Variants in GALK2 observed in about 807,000 individuals in gnomAD.
The protein encoded by GALK2 is N-acetylgalactosamine kinase.
In GALK2, 36 loss-of-function variants were observed where a neutral mutation model predicts 52.4. That is an observed-to-expected ratio of 0.69 (90% CI 0.53 to 0.91). GALK2 has a LOEUF of 0.91. Among genes scored for constraint, GALK2 ranks in the 40% least tolerant of loss-of-function variants. The pLI, the probability that GALK2 is intolerant of heterozygous loss-of-function variation, is 0.00. For synonymous variants in GALK2, 176 were observed against 199.1 expected (o/e 0.88, Z 0.98); for missense variants, 579 against 559.1 (o/e 1.04, Z -0.36).
chr15:49,364,678 C>A (rs570093849), intron 3 of GALK2, among the ~76,000 whole-genome samples: 1 of 152,012 alleles, frequency 6.6e-6, no homozygotes, highest in Non-Finnish European at 1.5e-5. Flanking sequence ...AAATTTTCAC[C>A]GTTGAACTGC....
chr15:49,321,255 G>A (rs1331260085), intron 9 of GALK2, among the ~76,000 whole-genome samples: 1 of 152,130 alleles, frequency 6.6e-6, no homozygotes, highest in East Asian at 1.9e-4. Flanking sequence ...TAGGCCCTGA[G>A]GTGGATACTT....
At chr15:49,274,720 A>G (rs997711942) in intron 5 of GALK2, among the ~76,000 whole-genome samples, 9 of 152,190 alleles carry the variant, frequency 5.9e-5, no homozygotes, top group Non-Finnish European at 1.2e-4. Flanking sequence ...GTTTCTTTAT[A>G]TCCTTATTCT....
At chr15:49,315,250 C>G (rs371948471) in intron 8 of GALK2, among the ~76,000 whole-genome samples, 2 of 152,278 alleles carry the variant, frequency 1.3e-5, no homozygotes. Context: ...AAAATATCAT[C>G]TAGTGTTATA....
chr15:49,357,037 G>A (rs1275262893), intron 3 of GALK2, among the ~76,000 whole-genome samples: 3 of 151,228 alleles, frequency 2.0e-5, no homozygotes, highest in African/African-American at 7.3e-5. Context: ...TGAAACCAAC[G>A]AGAACAAAGA....
chr15:49,224,423 T>A (rs1655707185), intron 3 of GALK2, among the ~76,000 whole-genome samples: 1 of 152,154 alleles, frequency 6.6e-6, no homozygotes, highest in South Asian at 2.1e-4. Flanking sequence ...ATTCTAAGCA[T>A]TTCCTAGGTT....
At chr15:49,226,873 T>C (rs559907780) in intron 3 of GALK2, among the ~76,000 whole-genome samples, 1 of 152,370 alleles carries the variant, frequency 6.6e-6, no homozygotes, top group South Asian at 2.1e-4. Flanking sequence ...TAAATTTCCT[T>C]GTATTTATAC....
chr15:49,179,217 T>A (rs546178828), intron 1 of GALK2, among the ~76,000 whole-genome samples: 2 of 152,212 alleles, frequency 1.3e-5, no homozygotes, highest in African/African-American at 4.8e-5. Context: ...ATAATAGTAA[T>A]AACTAATAAT....
Position 49,365,773 on chromosome 15 carries a change from G to A in GALK2, c.427-1718G>A, listed in dbSNP as rs1006598371. The stretch of plus-strand genomic sequence containing the variant: ...CCACCTGTCTTCATTTTGAAACACA[G>A]CCCAAACAATAGCTATTGCTATGCA... On this transcript the variant is annotated intron_variant, in intron 3 of 3. Coordinates refer to the GALK2 transcript ENST00000558399. 7.8e-5 allele frequency: 67 copies of A among 855,404 alleles called. 2 individuals are homozygous for A. The highest frequency in any genetic ancestry group is 1.2e-4 in the Non-Finnish European group (59 of 491,520). The allele number at this position is 855,404 out of a possible 1,614,324, so 53.0% of individuals were successfully genotyped here.
At chr15:49,245,723 G>A (rs1011977756) in intron 5 of GALK2, among the ~76,000 whole-genome samples, 4 of 152,108 alleles carry the variant, frequency 2.6e-5, no homozygotes, top group Admixed American at 6.6e-5. Context: ...ATTATTCAGC[G>A]AGGGCCTATT....
In GALK2 at chr15:49,286,572, T is replaced by C. The variant is rs575626003; in HGVS notation, c.756+2854T>C. Reference sequence around the variant, plus strand: ...TGGGGGGCATACATTTTTTGAAAAATTATGATTTAAATGTTTTGAATTTTT... The same window carrying C: ...TGGGGGGCATACATTTTTTGAAAAACTATGATTTAAATGTTTTGAATTTTT... On this transcript the variant is annotated intron_variant, in intron 7 of 9. Coordinates refer to ENST00000560031, the MANE Select transcript of GALK2 (RefSeq NM_002044.4). Among the ~76,000 whole-genome samples, 21 of 152,258 alleles carry C rather than the reference T, an allele frequency of 1.4e-4. No homozygotes were observed. In the South Asian group the frequency reaches 3.9e-3, roughly 29 times the overall value.
intron 3 of GALK2, chr15:49,366,501 TG>T: frequency 7.9e-7 from 1 of 1,269,240 alleles, no homozygotes; most frequent in Admixed American, 1.7e-5. Context: ...ATCAAACTAA[TG>T]GAAGTTGCAT....
At chr15:49,295,329 C>CTATA (rs778452362) in intron 8 of GALK2, among the ~76,000 whole-genome samples, 10 of 141,106 alleles carry the variant, frequency 7.1e-5, no homozygotes, top group African/African-American at 2.7e-4. Flanking sequence ...CTCTCTCTCT[C>CTATA]TATCTATATA....
In GALK2 at chr15:49,240,878, T is replaced by A. The variant is rs939355415; in HGVS notation, c.504+1511T>A. On this transcript the variant is annotated intron_variant, in intron 5 of 9. Coordinates refer to ENST00000560031, the MANE Select transcript of GALK2 (RefSeq NM_002044.4). ...AGAGGTAAGGTGATCATATCTGTATTTTAGAAAGATCTCCCTGGCTATATT... is the reference window on the plus strand; with the variant it reads ...AGAGGTAAGGTGATCATATCTGTATATTAGAAAGATCTCCCTGGCTATATT... Among the ~76,000 whole-genome samples the A allele has an allele frequency of 2.6e-5, 4 of 152,246 alleles. No homozygotes were observed. The East Asian group carries it at 7.7e-4, about 29-fold the overall frequency.
chr15:49,201,754 A>G (rs1449566342), intron 2 of GALK2, among the ~76,000 whole-genome samples: 2 of 152,208 alleles, frequency 1.3e-5, no homozygotes, highest in Non-Finnish European at 2.9e-5. Flanking sequence ...TTTGTTTACT[A>G]TCATTTTATC....
downstream of GALK2, among the ~76,000 whole-genome samples, chr15:49,332,198 T>A (rs560503782): frequency 1.3e-5 from 2 of 152,104 alleles, 1 homozygote; most frequent in South Asian, 4.1e-4. Context: ...CCACCCACTG[T>A]GTGGTTCTCA....
intron 2 of GALK2, among the ~76,000 whole-genome samples, chr15:49,205,815 G>C (rs938101557): frequency 6.6e-6 from 1 of 152,120 alleles, no homozygotes; most frequent in East Asian, 1.9e-4. Context: ...CTAAGCCAAT[G>C]TCTAGAAGGG....
chr15:49,220,908 T>C (rs2089745756), intron 3 of GALK2, among the ~76,000 whole-genome samples: 1 of 152,198 alleles, frequency 6.6e-6, no homozygotes, highest in African/African-American at 2.4e-5. Flanking sequence ...TCATGTTATT[T>C]GTCCACTTTT....
chr15:49,353,531 T>G (rs2042562442), intron 3 of GALK2: 2 of 152,150 alleles, frequency 1.3e-5, no homozygotes, highest in Admixed American at 6.5e-5. Flanking sequence ...AGTTAACGTG[T>G]GCTTTCCATT....
chr15:49,161,359 T>C (rs1340391591), intron 1 of GALK2, among the ~76,000 whole-genome samples: 1 of 152,220 alleles, frequency 6.6e-6, no homozygotes, highest in African/African-American at 2.4e-5. Flanking sequence ...TAAGTGCTAG[T>C]TGGATAAATA....
Sources: allele counts gnomAD v4.1 joint callset (sites outside exome capture counted in the v4.1 genomes callset), GRCh38; gene constraint gnomAD v4.1.1; transcripts MANE v1.5; gene names NCBI Gene and HGNC (gene_info 2026-07-23, HGNC 2026-07-21).